Variants in CDYL2 observed in about 807,000 individuals in gnomAD.
The protein encoded by CDYL2 is chromodomain Y like 2.
A neutral mutation model predicts 49.4 loss-of-function variants in CDYL2; 23 were observed. That is an observed-to-expected ratio of 0.47 (90% CI 0.34 to 0.66). The LOEUF (loss-of-function observed/expected upper bound fraction) is 0.66. Among genes scored for constraint, CDYL2 ranks in the 30% least tolerant of loss-of-function variants. The pLI is 0.01. For synonymous variants in CDYL2, 360 were observed against 268.8 expected (o/e 1.34, Z -3.32); for missense variants, 678 against 656.4 (o/e 1.03, Z -0.36).
At chr16:80,765,432 CAT>C (rs1906687286) in intron 1 of CDYL2, among the ~76,000 whole-genome samples, 1 of 151,422 alleles carries the variant, frequency 6.6e-6, no homozygotes, top group African/African-American at 2.4e-5. Flanking sequence ...AAATTCCTAA[CAT>C]AAAAAGCATA....
chr16:80,665,105 A>C (rs1909204772), intron 2 of CDYL2, among the ~76,000 whole-genome samples: 1 of 152,176 alleles, frequency 6.6e-6, no homozygotes, highest in South Asian at 2.1e-4. Context: ...TTCATGAAGA[A>C]ATCATAAATG....
chr16:80,673,621 T>C (rs767450258), intron 2 of CDYL2, among the ~76,000 whole-genome samples: 19 of 152,336 alleles, frequency 1.2e-4, no homozygotes, highest in Non-Finnish European at 2.1e-4. Flanking sequence ...GCAGGTTTCT[T>C]GCCCATTCAA....
intron 1 of CDYL2, among the ~76,000 whole-genome samples, chr16:80,801,950 T>C (rs897037125): frequency 1.3e-5 from 2 of 152,196 alleles, no homozygotes; most frequent in Admixed American, 6.5e-5. Flanking sequence ...CTTTTAGTAA[T>C]GACTATGCAA....
At chr16:80,775,245 T>G (rs1907042425) in intron 1 of CDYL2, among the ~76,000 whole-genome samples, 1 of 151,722 alleles carries the variant, frequency 6.6e-6, no homozygotes, top group Non-Finnish European at 1.5e-5. Flanking sequence ...ATAAGTAAAT[T>G]TATATTTAAA....
chr16:80,660,362 C>T (rs930336151), intron 2 of CDYL2, among the ~76,000 whole-genome samples: 1 of 151,522 alleles, frequency 6.6e-6, no homozygotes. Flanking sequence ...CAACTGAAAG[C>T]CAAGCAGAAG....
At chr16:80,650,824 G>T (rs1348125179) in intron 2 of CDYL2, among the ~76,000 whole-genome samples, 3 of 152,052 alleles carry the variant, frequency 2.0e-5, no homozygotes, top group African/African-American at 7.2e-5. Context: ...CAACAACACA[G>T]ATGGAACTGG....
chr16:80,739,764 CAGAG>C (rs1905670726), intron 1 of CDYL2, among the ~76,000 whole-genome samples: 1 of 152,172 alleles, frequency 6.6e-6, no homozygotes, highest in African/African-American at 2.4e-5. Flanking sequence ...CTCAGAGAGA[CAGAG>C]AGGTCACTGC....
At chr16:80,703,836 G>T (rs1904321852) in intron 1 of CDYL2, among the ~76,000 whole-genome samples, 1 of 152,152 alleles carries the variant, frequency 6.6e-6, no homozygotes, top group Non-Finnish European at 1.5e-5. Context: ...GAGCTTGGAT[G>T]ACAAGCCTCA....
intron 1 of CDYL2, among the ~76,000 whole-genome samples, chr16:80,712,854 C>T (rs1040436620): frequency 2.0e-5 from 3 of 152,178 alleles, no homozygotes; most frequent in African/African-American, 7.2e-5. Context: ...AATTTTATAT[C>T]CCCTGGGTGT....
rs186308464 is a variant in CDYL2, at chr16:80,801,633, T to A, written c.24+2517A>T. Among the ~76,000 whole-genome samples, 31 of 152,380 alleles carry A rather than the reference T, an allele frequency of 2.0e-4. No individual in the cohort carries two copies. The East Asian group carries it at 6.0e-3, about 29-fold the overall frequency. The stretch of plus-strand genomic sequence containing the variant: ...AAGCCATTTTATGTACACTTTAGTA[T>A]AATATTTAATGAAAGTAATAAACAG... On this transcript the variant is annotated intron_variant, in intron 1 of 6. Coordinates refer to ENST00000570137, the MANE Select transcript of CDYL2 (RefSeq NM_152342.4).
At chr16:80,747,309 C>G (rs1356261344) in intron 1 of CDYL2, among the ~76,000 whole-genome samples, 3 of 152,068 alleles carry the variant, frequency 2.0e-5, no homozygotes, top group Non-Finnish European at 4.4e-5. Context: ...CTGGCAGTTT[C>G]TCGGGAGGGA....
At chr16:80,643,223 A>T (rs1290238951) in intron 2 of CDYL2, among the ~76,000 whole-genome samples, 1 of 152,208 alleles carries the variant, frequency 6.6e-6, no homozygotes. Context: ...TAAAGCTCCA[A>T]AATGATCTCC....
chr16:80,666,970 G>C (rs149386666), intron 2 of CDYL2, among the ~76,000 whole-genome samples: 1 of 152,204 alleles, frequency 6.6e-6, no homozygotes, highest in African/African-American at 2.4e-5. Context: ...TCGAGTGAAA[G>C]AGGCAGAGAT....
At chr16:80,790,288 G>A in intron 1 of CDYL2, among the ~76,000 whole-genome samples, 1 of 151,766 alleles carries the variant, frequency 6.6e-6, no homozygotes, top group Non-Finnish European at 1.5e-5. Flanking sequence ...CCAAGGGGGT[G>A]GTAATAAAAT....
At chr16:80,678,860 C>T (rs1909859919) in intron 2 of CDYL2, among the ~76,000 whole-genome samples, 1 of 151,136 alleles carries the variant, frequency 6.6e-6, no homozygotes, top group East Asian at 1.9e-4. Flanking sequence ...TTGGAACCAG[C>T]CCAAATGTCC....
chr16:80,653,107 G>A (rs147341315), intron 2 of CDYL2, among the ~76,000 whole-genome samples: 167 of 152,340 alleles, frequency 1.1e-3, no homozygotes, highest in Non-Finnish European at 6.2e-4. Context: ...GAAACTAGGT[G>A]TGGGCTATAT....
intron 2 of CDYL2, among the ~76,000 whole-genome samples, chr16:80,644,119 G>A (rs991766203): frequency 2.0e-5 from 3 of 152,206 alleles, no homozygotes; most frequent in African/African-American, 4.8e-5. Flanking sequence ...TTTCTTTCAC[G>A]AGACACACTA....
At chr16:80,744,369 C>T (rs1452892582) in intron 1 of CDYL2, among the ~76,000 whole-genome samples, 2 of 152,126 alleles carry the variant, frequency 1.3e-5, no homozygotes, top group East Asian at 3.9e-4. Flanking sequence ...ATTTCTTTCC[C>T]CTTCACACAT....
chr16:80,620,694 A>C (rs113978421), intron 4 of CDYL2, 69 bp downstream of exon 4: 7 of 1,392,970 alleles, frequency 5.0e-6, no homozygotes, highest in Non-Finnish European at 6.7e-6. Flanking sequence ...AATTTAACTG[A>C]GCAGCCTGTA....
Sources: allele counts gnomAD v4.1 joint callset (sites outside exome capture counted in the v4.1 genomes callset), GRCh38; gene constraint gnomAD v4.1.1; transcripts MANE v1.5; gene names NCBI Gene and HGNC (gene_info 2026-07-23, HGNC 2026-07-21).